CCDC102B: variants seen among roughly 807,000 people sequenced by gnomAD.
CCDC102B encodes the protein coiled-coil domain containing 102B.
In CCDC102B, 75 loss-of-function variants were observed where a neutral mutation model predicts 57.4. The observed-to-expected ratio is 1.31, with a 90% CI of 1.08 to 1.58. The LOEUF (loss-of-function observed/expected upper bound fraction) is 1.58. Among genes scored for constraint, CCDC102B ranks in the 40% most tolerant of loss-of-function variants. CCDC102B has a pLI of 0.00. For synonymous variants in CCDC102B, 206 were observed against 201.9 expected (o/e 1.02, Z -0.17); for missense variants, 636 against 582.6 (o/e 1.09, Z -0.94).
At chr18:68,986,265 T>C (rs1331120579) in intron 6 of CCDC102B, among the ~76,000 whole-genome samples, 1 of 152,114 alleles carries the variant, frequency 6.6e-6, no homozygotes, top group Non-Finnish European at 1.5e-5. Context: ...CAAAACTGAA[T>C]CCAGCAGCAC....
At chr18:68,899,506 G>A (rs1160662151) in intron 6 of CCDC102B, among the ~76,000 whole-genome samples, 3 of 152,120 alleles carry the variant, frequency 2.0e-5, no homozygotes, top group South Asian at 2.1e-4. Context: ...GAGTGAGGCA[G>A]TGAAAGAAGG....
chr18:68,817,763 G>C lies in CCDC102B; in HGVS notation c.-15-18986G>C, dbSNP rs1345720981. ...TACTCGGTCATGAGACTTGCTAAAG[G>C]CTTTCCACATCATCTGCTGAGACTC... On this transcript the variant is annotated intron_variant, in intron 1 of 7. Transcript: ENST00000360242. 3.3e-5 allele frequency among the ~76,000 whole-genome samples: 5 copies of C among 152,232 alleles called. No homozygotes were observed. The East Asian group carries it at 9.7e-4, about 29-fold the overall frequency.
chr18:68,928,957 C>T (rs756460886), intron 6 of CCDC102B, among the ~76,000 whole-genome samples: 3 of 151,722 alleles, frequency 2.0e-5, no homozygotes, highest in Non-Finnish European at 4.4e-5. Context: ...GACAAAGCGG[C>T]AGAAAAGGTG....
intron 6 of CCDC102B, among the ~76,000 whole-genome samples, chr18:68,939,600 G>A (rs1568341721): frequency 6.6e-6 from 1 of 151,692 alleles, no homozygotes; most frequent in Non-Finnish European, 1.5e-5. Flanking sequence ...GGAAAGTAAA[G>A]TTACTTTTAT....
intron 1 of CCDC102B, among the ~76,000 whole-genome samples, chr18:68,808,978 GAAGT>G (rs1214043856): frequency 7.2e-5 from 11 of 152,098 alleles, no homozygotes; most frequent in African/African-American, 9.7e-5. Context: ...TTTCTATTCA[GAAGT>G]AAGTAGCCTT....
chr18:68,837,597 C>A (rs1047517779), intron 2 of CCDC102B, among the ~76,000 whole-genome samples: 3 of 152,160 alleles, frequency 2.0e-5, no homozygotes, highest in Non-Finnish European at 4.4e-5. Flanking sequence ...TCTGAGGCCT[C>A]TCTCCTTGGC....
intron 4 of CCDC102B, among the ~76,000 whole-genome samples, chr18:68,873,589 G>A (rs916280328): frequency 1.3e-5 from 2 of 151,880 alleles, no homozygotes; most frequent in African/African-American, 2.4e-5. Context: ...TGTAGAGGAG[G>A]GATAATGATA....
intron 1 of CCDC102B, among the ~76,000 whole-genome samples, chr18:68,822,225 C>A (rs1269475626): frequency 1.3e-5 from 2 of 151,928 alleles, no homozygotes; most frequent in Non-Finnish European, 2.9e-5. Context: ...GAAACCCTGT[C>A]TCTACTAAAA....
chr18:68,732,048 C>G (rs1245704798), intron 2 of CCDC102B, among the ~76,000 whole-genome samples: 1 of 2,028 alleles, frequency 4.9e-4, no homozygotes, highest in Non-Finnish European at 6.5e-3. Context: ...CTTTAGTACT[C>G]TACTCTGAGG....
At chr18:68,871,721 G>A (rs2039245912) in intron 4 of CCDC102B, among the ~76,000 whole-genome samples, 1 of 152,152 alleles carries the variant, frequency 6.6e-6, no homozygotes, top group Admixed American at 6.6e-5. Context: ...ATAAGGACCA[G>A]GAGTAGGAGA....
At chr18:68,778,549 G>A (rs1382130) in intron 2 of CCDC102B, among the ~76,000 whole-genome samples, 41,324 of 151,970 alleles carry the variant, frequency 0.27, 6,386 homozygotes, top group East Asian at 0.5. Context: ...TTAAAAATAA[G>A]TAGTGAACAA....
chr18:69,045,922 G>T (rs1220544868), intron 7 of CCDC102B, among the ~76,000 whole-genome samples: 1 of 152,050 alleles, frequency 6.6e-6, no homozygotes. Context: ...CTATGTTGCT[G>T]CAAAGAACAT....
At chr18:68,790,108 C>T (rs1249094329) in intron 2 of CCDC102B, among the ~76,000 whole-genome samples, 11 of 149,328 alleles carry the variant, frequency 7.4e-5, no homozygotes, top group East Asian at 2.0e-4. Flanking sequence ...GTCAGTCTGC[C>T]CCTGCTGGGG....
At chr18:69,011,271 C>T in intron 7 of CCDC102B, 167 bp downstream of exon 7, 1 of 657,298 alleles carries the variant, frequency 1.5e-6, no homozygotes, top group South Asian at 2.5e-5. Flanking sequence ...ATTACACAGA[C>T]AATGTGCACA....
chr18:68,733,964 A>G (rs2033013293), intron 2 of CCDC102B, among the ~76,000 whole-genome samples: 1 of 152,176 alleles, frequency 6.6e-6, no homozygotes, highest in Admixed American at 6.5e-5. Context: ...CTGCGTTTCC[A>G]GGAGAGGTCA....
chr18:68,973,547 T>C (rs2050353971), intron 6 of CCDC102B, among the ~76,000 whole-genome samples: 1 of 152,092 alleles, frequency 6.6e-6, no homozygotes, highest in Admixed American at 6.6e-5. Context: ...TCTAGGATGC[T>C]TAGAAATGGT....
At chr18:68,753,148 T>G (rs2033926267) in intron 2 of CCDC102B, 1 of 152,202 alleles carries the variant, frequency 6.6e-6, no homozygotes, top group Non-Finnish European at 1.5e-5. Context: ...ATGATTTCAT[T>G]TTTTTAAAAA....
At chr18:68,993,411 A>C (rs1310477084) in intron 6 of CCDC102B, 1 of 152,226 alleles carries the variant, frequency 6.6e-6, no homozygotes, top group Non-Finnish European at 1.5e-5. Flanking sequence ...GATGGTTTTA[A>C]GAAGGATACA....
intron 1 of CCDC102B, among the ~76,000 whole-genome samples, chr18:68,806,199 A>T (rs1203905833): frequency 2.0e-5 from 3 of 152,304 alleles, no homozygotes; most frequent in Admixed American, 6.5e-5. Context: ...ATACATTTTT[A>T]AAATTAATAA....
Sources: gnomAD v4.1 joint callset for allele counts (sites outside exome capture counted in the v4.1 genomes callset) on GRCh38, gnomAD v4.1.1 for gene constraint, MANE v1.5 for transcripts, NCBI Gene and HGNC (gene_info 2026-07-23, HGNC 2026-07-21) for gene names.